The following TRUB1 variants were observed in gnomAD, a reference collection of about 807,000 sequenced individuals.
The protein encoded by TRUB1 is TruB pseudouridine synthase family member 1, also known as pseudouridylate synthase TRUB1.
A neutral mutation model predicts 33.9 loss-of-function variants in TRUB1; 23 were observed. The ratio of observed to expected loss-of-function variants is 0.68; its 90% CI spans 0.49 to 0.96. The LOEUF (loss-of-function observed/expected upper bound fraction) is 0.96. Ranked by LOEUF, TRUB1 falls within the 40% of genes least tolerant of loss-of-function variation. The pLI is 0.00. For missense variants in TRUB1, 378 were observed against 422.2 expected (o/e 0.90, Z 0.92); for synonymous variants, 163 against 165.4 (o/e 0.99, Z 0.11).
Position 114,956,548 on chromosome 10 carries a change from A to G in TRUB1, c.442-3178A>G, listed in dbSNP as rs143602267. Among the ~76,000 whole-genome samples the G allele has an allele frequency of 5.3e-3, 804 of 152,306 alleles. 7 individuals are homozygous for G. The highest frequency in any genetic ancestry group is 0.018 in the African/African-American group (765 of 41,560). On this transcript the variant is annotated intron_variant, in intron 3 of 7. Transcript: ENST00000298746. ...TGAATAAAATTGAAGGATAATTATAACTAGATGCCAGGACAAGGGAAAGCT... is the reference window on the plus strand; with the variant it reads ...TGAATAAAATTGAAGGATAATTATAGCTAGATGCCAGGACAAGGGAAAGCT...
chr10:114,959,901 C>T (rs1380783781), intron 4 of TRUB1, 94 bp downstream of exon 4: 2 of 726,608 alleles, frequency 2.8e-6, no homozygotes, highest in African/African-American at 3.6e-5. Context: ...ATATTATCAG[C>T]CATTTTAATT....
intron 1 of TRUB1, 121 bp downstream of exon 1, chr10:114,938,660 G>A: frequency 3.5e-6 from 4 of 1,141,648 alleles, no homozygotes; most frequent in Non-Finnish European, 3.6e-6. Context: ...ACTGACCATT[G>A]AATTAGCTCT....
chr10:114,968,181 C>G (rs144928245), intron 4 of TRUB1, among the ~76,000 whole-genome samples: 91 of 152,154 alleles, frequency 6.0e-4, no homozygotes, highest in South Asian at 1.9e-3. Flanking sequence ...GTGAACAGCA[C>G]AAACCACGAA....
At chr10:114,947,225 C>T (rs1241968817) in intron 2 of TRUB1, among the ~76,000 whole-genome samples, 7 of 152,032 alleles carry the variant, frequency 4.6e-5, no homozygotes. Context: ...AAGGATTCTC[C>T]CCTAGCACCT....
intron 6 of TRUB1, 109 bp from the exon 7 acceptor site, chr10:114,974,220 C>T (rs2084349782): frequency 1.3e-6 from 1 of 773,864 alleles, no homozygotes; most frequent in East Asian, 2.5e-5. Flanking sequence ...TATTTTATCA[C>T]TCAATTGTTT....
At chr10:114,958,479 A>G (rs2084270834) in intron 3 of TRUB1, among the ~76,000 whole-genome samples, 1 of 152,178 alleles carries the variant, frequency 6.6e-6, no homozygotes, top group Admixed American at 6.5e-5. Context: ...TGAAGTTTTA[A>G]TATTTTTCTC....
chr10:114,951,008 G>T, intron 2 of TRUB1, 86 bp from the exon 3 acceptor site: 1 of 1,182,260 alleles, frequency 8.5e-7, no homozygotes, highest in Non-Finnish European at 1.2e-6. Flanking sequence ...TACCTAAGCT[G>T]GGAAATTATG....
At chr10:114,956,215 T>A (rs1475707386) in intron 3 of TRUB1, among the ~76,000 whole-genome samples, 5 of 152,100 alleles carry the variant, frequency 3.3e-5, no homozygotes, top group Non-Finnish European at 7.4e-5. Flanking sequence ...AGTACACAGG[T>A]CAATGGAATG....
intron 1 of TRUB1, among the ~76,000 whole-genome samples, chr10:114,941,823 C>T (rs183657188): frequency 1.2e-4 from 18 of 151,632 alleles, no homozygotes; most frequent in African/African-American, 2.2e-4. Flanking sequence ...CTTGCTCTGT[C>T]GCCCAGGCTA....
chr10:114,963,916 A>T (rs919290792), intron 4 of TRUB1, among the ~76,000 whole-genome samples: 3 of 152,146 alleles, frequency 2.0e-5, no homozygotes, highest in African/African-American at 7.2e-5. Context: ...TTTGGTAGAC[A>T]CATTTCTACC....
chr10:114,974,205 A>G, intron 6 of TRUB1, 124 bp from the exon 7 acceptor site: 2 of 727,038 alleles, frequency 2.8e-6, no homozygotes, highest in South Asian at 1.7e-5. Flanking sequence ...GTTTTAGTGC[A>G]TAAATATTTT....
chr10:114,940,594 A>C (rs1285046842), intron 1 of TRUB1, among the ~76,000 whole-genome samples: 1 of 152,192 alleles, frequency 6.6e-6, no homozygotes, highest in African/African-American at 2.4e-5. Context: ...CCAGAATTTT[A>C]TAGCTAGAAA....
intron 2 of TRUB1, among the ~76,000 whole-genome samples, chr10:114,945,782 A>G (rs1459263713): frequency 3.3e-5 from 5 of 152,038 alleles, no homozygotes; most frequent in Non-Finnish European, 7.4e-5. Context: ...AAGATTGGAC[A>G]CTCTTGGCCT....
At chr10:114,950,658 T>G (rs939677924) in intron 2 of TRUB1, among the ~76,000 whole-genome samples, 2 of 152,364 alleles carry the variant, frequency 1.3e-5, no homozygotes, top group South Asian at 4.1e-4. Flanking sequence ...GTGCTAATCA[T>G]CTTTAAATGG....
At chr10:114,973,542 T>C (rs2084346187) in intron 6 of TRUB1, among the ~76,000 whole-genome samples, 2 of 152,160 alleles carry the variant, frequency 1.3e-5, no homozygotes, top group Non-Finnish European at 2.9e-5. Context: ...CCCAAATGGC[T>C]TTATTTGTAC....
Position 114,957,404 on chromosome 10 carries a change from G to A in TRUB1, c.442-2322G>A, listed in dbSNP as rs537312062. ...TACACTGTAACCTCTTAGAGGGAGA[G>A]CAATCTATCTTATGTATCTGTGTAT... On this transcript the variant is annotated intron_variant, in intron 3 of 7. Transcript: ENST00000298746. Among the ~76,000 whole-genome samples, 85 of 152,318 alleles carry A rather than the reference G, an allele frequency of 5.6e-4. 2 individuals carry two copies. In the South Asian group the frequency reaches 0.017, roughly 31 times the overall value.
At position 114,951,110 on chromosome 10, in the gene TRUB1, C is replaced by T. The variant is rs375820754; in HGVS notation, c.402C>T (p.Ser134=). The T allele has an allele frequency of 1.1e-5, 18 of 1,611,388 alleles. No homozygotes were observed. The highest frequency in any genetic ancestry group is 4.5e-5 in the East Asian group (2 of 44,682). ...ARGVLVVGIG[S]GTKMLTSMLS... The stretch of plus-strand genomic sequence containing the variant: ...GATTTGTAGTTGTTGGAATTGGAAG[C>T]GGAACAAAAATGTTGACCAGTATGT... The change falls in exon 3 of 8, where the codon AGC becomes AGT. Residue 134 remains serine (S), a synonymous_variant. Transcript: ENST00000298746.
chr10:114,968,058 TTGG>T (rs1240389180), intron 4 of TRUB1, among the ~76,000 whole-genome samples: 1 of 152,172 alleles, frequency 6.6e-6, no homozygotes, highest in Non-Finnish European at 1.5e-5. Flanking sequence ...TAGAATTTCA[TTGG>T]TGGGATAATA....
At chr10:114,941,714 G>C (rs1048019006) in intron 1 of TRUB1, among the ~76,000 whole-genome samples, 2 of 152,118 alleles carry the variant, frequency 1.3e-5, no homozygotes, top group East Asian at 3.9e-4. Context: ...TAAATGCTTA[G>C]GAAGTTAAGG....
Sources: allele counts gnomAD v4.1 joint callset (sites outside exome capture counted in the v4.1 genomes callset), GRCh38; gene constraint gnomAD v4.1.1; transcripts MANE v1.5; gene names NCBI Gene and HGNC (gene_info 2026-07-23, HGNC 2026-07-21).